USH2A: variants seen among roughly 807,000 people sequenced by gnomAD.
USH2A encodes the protein Usher syndrome 2A (autosomal recessive, mild).
In USH2A, 443 loss-of-function variants were observed where a neutral mutation model predicts 538.9. The observed-to-expected ratio is 0.82, with a 90% confidence interval of 0.76 to 0.89. The LOEUF is 0.89. Among genes scored for constraint, USH2A ranks in the 40% least tolerant of loss-of-function variants. The probability of loss-of-function intolerance (pLI) is 0.00; values close to 1 mark genes in which losing one functional copy is unlikely to be tolerated. For missense variants in USH2A, 6,633 were observed against 6,324.8 expected, an observed-to-expected ratio of 1.05 and a Z score of -1.65; for synonymous variants, 2,413 against 2,273.5, an observed-to-expected ratio of 1.06 and a Z score of -1.75.
At chr1:216,209,582 A>T (rs572006568) in intron 15 of USH2A, among the ~76,000 whole-genome samples, 1 of 152,314 alleles carries the variant, frequency 6.6e-6, no homozygotes, top group South Asian at 2.1e-4. Context: ...TAAAAGATAT[A>T]ATATAATCAA....
At chr1:215,688,194 G>GCAAA (rs58962873) in intron 61 of USH2A, among the ~76,000 whole-genome samples, 55,210 of 151,758 alleles carry the variant, frequency 0.36, 10,269 homozygotes, top group South Asian at 0.52. Flanking sequence ...AAAGTTTTGG[G>GCAAA]AGCAAGAGCA....
chr1:216,168,131 T>C (rs1186119889), intron 21 of USH2A, among the ~76,000 whole-genome samples: 1 of 152,178 alleles, frequency 6.6e-6, no homozygotes, highest in African/African-American at 2.4e-5. Context: ...ATCAATCATC[T>C]TCAAAGGTGC....
chr1:215,676,559 T>C (rs1376133909), intron 62 of USH2A, among the ~76,000 whole-genome samples: 1 of 152,134 alleles, frequency 6.6e-6, no homozygotes, highest in Non-Finnish European at 1.5e-5. Flanking sequence ...CCAGAAGTGG[T>C]TCTTGGGCAA....
At chr1:216,257,093 GTAT>G (rs1201388448) in intron 11 of USH2A, among the ~76,000 whole-genome samples, 2 of 151,574 alleles carry the variant, frequency 1.3e-5, no homozygotes, top group Non-Finnish European at 2.9e-5. Context: ...AATACCCTCC[GTAT>G]TTACCAATGC....
At chr1:215,860,078 A>G (rs1363368264) in intron 44 of USH2A, among the ~76,000 whole-genome samples, 1 of 152,164 alleles carries the variant, frequency 6.6e-6, no homozygotes, top group East Asian at 1.9e-4. Flanking sequence ...ATCTTTGCAC[A>G]TGTCCACTCA....
rs778906347 is a variant in USH2A at position 216,303,529 on chromosome 1, T to C, written c.1645-11159A>G. ...TATTTGATTATTTAAATATAAAGGG[T>C]ATTTCATATTAGAAATTTTTTGTAG... On this transcript the variant is annotated intron_variant, in intron 9 of 71. Transcript: ENST00000307340. Among the ~76,000 whole-genome samples, 15 of 152,008 alleles carry C rather than the reference T, an allele frequency of 9.9e-5. 1 individual carries two copies. The highest frequency in any genetic ancestry group is 6.2e-4 in the South Asian group (3 of 4,836).
chr1:216,033,916 T>G (rs1669184885), intron 32 of USH2A, among the ~76,000 whole-genome samples: 1 of 152,164 alleles, frequency 6.6e-6, no homozygotes, highest in Non-Finnish European at 1.5e-5. Context: ...GGTTTTTGTT[T>G]GGGAAAAAGA....
chr1:216,292,432 G>C (rs190725570), intron 9 of USH2A, 62 bp from the exon 10 acceptor site: 8 of 1,542,102 alleles, frequency 5.2e-6, no homozygotes, highest in Middle Eastern at 1.7e-4. Flanking sequence ...TCATTTTATT[G>C]ATATGTTAGG....
At chr1:215,853,273 C>T (rs915084290) in intron 44 of USH2A, among the ~76,000 whole-genome samples, 8 of 152,244 alleles carry the variant, frequency 5.3e-5, no homozygotes, top group Non-Finnish European at 8.8e-5. Flanking sequence ...GTGGCCCAAG[C>T]TCTACATTGG....
chr1:215,710,937 C>T (rs886454153), intron 61 of USH2A, among the ~76,000 whole-genome samples: 1 of 151,840 alleles, frequency 6.6e-6, no homozygotes, highest in Non-Finnish European at 1.5e-5. Flanking sequence ...TTTCTTCTAT[C>T]GGCTTCTAGA....
intron 69 of USH2A, among the ~76,000 whole-genome samples, 159 bp downstream of exon 69, chr1:215,638,996 A>G (rs879810022): frequency 1.2e-4 from 18 of 151,920 alleles, no homozygotes; most frequent in Admixed American, 9.8e-4. Context: ...ACAACAACAA[A>G]AAAAAAACAA....
chr1:216,181,757 T>G (rs1174398095), intron 20 of USH2A, among the ~76,000 whole-genome samples: 1 of 152,148 alleles, frequency 6.6e-6, no homozygotes, highest in Non-Finnish European at 1.5e-5. Flanking sequence ...ATGGGGCTTA[T>G]GCAATTAACT....
chr1:216,190,110 T>C, intron 20 of USH2A, 113 bp downstream of exon 20: 1 of 1,435,878 alleles, frequency 7.0e-7, no homozygotes, highest in East Asian at 2.5e-5. Flanking sequence ...CAATCAGAGT[T>C]AGTGAGGGAG....
chr1:215,733,316 AT>A (rs1197855953), intron 60 of USH2A, among the ~76,000 whole-genome samples: 1 of 152,092 alleles, frequency 6.6e-6, no homozygotes, highest in Non-Finnish European at 1.5e-5. Flanking sequence ...TTCATAAGGG[AT>A]CTGACCCCAT....
chr1:216,323,276 T>TTATATATATATA (rs67957139), intron 8 of USH2A, among the ~76,000 whole-genome samples, 198 bp downstream of exon 8: 5 of 137,106 alleles, frequency 3.6e-5, no homozygotes, highest in African/African-American at 1.3e-4. Flanking sequence ...AAAATACGTT[T>TTATATATATATA]TATATATATA....
rs1473943173 is a variant in USH2A, at chr1:216,246,723, T to C, written c.2671A>G (p.Ile891Val). ...QCEPHRYNLT[I>V]DNFQHCQMCE... ...ATCTGGCAGTGTTGAAAATTGTCAA[T>C]GGTCAAATTGTACCTGTGAGGCTCA... is the stretch of plus-strand genomic sequence containing the variant. The change falls in exon 13 of 72, where the codon ATT (isoleucine) becomes GTT (valine). Residue 891 changes from isoleucine to valine, a missense_variant. Physicochemically the swap from Ile to Val is conservative, Grantham distance 29. Transcript: ENST00000307340. 3 of 1,614,142 alleles carry C rather than the reference T, an allele frequency of 1.9e-6. No individual in the cohort carries two copies. Among genetic ancestry groups the C allele is most frequent in the Admixed American group, 1.7e-5 (1 of 60,024 alleles).
chr1:215,955,978 C>A (rs771358860), intron 37 of USH2A, among the ~76,000 whole-genome samples: 1 of 152,140 alleles, frequency 6.6e-6, no homozygotes, highest in Non-Finnish European at 1.5e-5. Context: ...GAATTCCTTG[C>A]TGTAGGGTGT....
chr1:216,195,387 A>G (rs949752918), intron 19 of USH2A, among the ~76,000 whole-genome samples: 30 of 152,250 alleles, frequency 2.0e-4, no homozygotes, highest in African/African-American at 7.0e-4. Flanking sequence ...GTGGAAAAAA[A>G]GCAGAATTTA....
chr1:216,234,749 A>C (rs951882383), intron 13 of USH2A, among the ~76,000 whole-genome samples: 3 of 152,182 alleles, frequency 2.0e-5, no homozygotes, highest in African/African-American at 7.2e-5. Context: ...GGTGATTTTT[A>C]GAAGAAATGA....
Sources: gnomAD v4.1 joint callset for allele counts (sites outside exome capture counted in the v4.1 genomes callset) on GRCh38, gnomAD v4.1.1 for gene constraint, MANE v1.5 for transcripts, NCBI Gene and HGNC (gene_info 2026-07-23, HGNC 2026-07-21) for gene names.